Variants in CCDC61 observed in about 807,000 individuals in gnomAD.
The protein encoded by CCDC61 is centrosomal protein CCDC61.
A neutral mutation model predicts 63.0 loss-of-function variants in CCDC61; 55 were observed. The observed-to-expected ratio is 0.87, with a 90% CI of 0.70 to 1.09. The LOEUF is 1.09. CCDC61 is among the 50% of genes least tolerant of loss of function. The pLI is 0.00. For synonymous variants in CCDC61, 270 were observed against 317.0 expected, an observed-to-expected ratio of 0.85 and a Z score of 1.58; for missense variants, 651 against 731.4, an observed-to-expected ratio of 0.89 and a Z score of 1.27.
intron 1 of CCDC61, 101 bp from the exon 2 acceptor site, chr19:46,002,907 A>C: frequency 3.4e-6 from 4 of 1,174,024 alleles, no homozygotes; most frequent in African/African-American, 1.5e-5. Context: ...CCAGGATGCC[A>C]CAGCTGGTAA....
rs1366914233 is a variant in CCDC61 at position 46,018,244 on chromosome 19, G to A, written c.1442-46G>A. ...TATATTGGGCCCAGGAACTCCCTGGGGCTTCAGGCCCCTCACAGCCCCCAT... is the reference window on the plus strand; with the variant it reads ...TATATTGGGCCCAGGAACTCCCTGGAGCTTCAGGCCCCTCACAGCCCCCAT... On this transcript the variant is annotated intron_variant, in intron 13 of 13. Coordinates refer to ENST00000595358, the MANE Select transcript of CCDC61 (RefSeq NM_001267723.2). This position sits in a 1 kb window ranked among gnomAD's most constrained non-coding sequence, Gnocchi z 4.2. The A allele has an allele frequency of 6.5e-7, 1 of 1,549,084 alleles. No individual in the cohort carries two copies. Among genetic ancestry groups the A allele is most frequent in the East Asian group, 2.4e-5 (1 of 41,064 alleles).
chr19:46,011,174 G>T (rs751661178), intron 5 of CCDC61, among the ~76,000 whole-genome samples: 1 of 151,440 alleles, frequency 6.6e-6, no homozygotes. Context: ...TCAGCTTCCT[G>T]AGTAGCTGGG....
At chr19:45,996,955 C>T (rs1193585769) in intron 1 of CCDC61, among the ~76,000 whole-genome samples, 1 of 152,066 alleles carries the variant, frequency 6.6e-6, no homozygotes, top group Non-Finnish European at 1.5e-5. Context: ...CTTTCAAACC[C>T]TCTCCTGGCT....
intron 1 of CCDC61, among the ~76,000 whole-genome samples, chr19:46,002,778 A>G (rs1286412895): frequency 6.6e-6 from 1 of 152,172 alleles, no homozygotes; most frequent in Non-Finnish European, 1.5e-5. Context: ...TCACAGTACC[A>G]AGTACTTTTA....
At chr19:46,014,919 G>A in intron 5 of CCDC61, 130 bp from the exon 6 acceptor site, 1 of 706,094 alleles carries the variant, frequency 1.4e-6, no homozygotes, top group Non-Finnish European at 2.1e-6. Flanking sequence ...CCTCCCCATG[G>A]GGTCAGTTGA....
chr19:46,016,707 AACC>A lies in CCDC61; in HGVS notation c.1106_1108del (p.Asn369_Arg370delinsSer). On this transcript the variant is annotated inframe_deletion, in exon 10 of 14. Transcript: ENST00000595358. This position sits in a 1 kb window ranked among gnomAD's most constrained non-coding sequence, Gnocchi z 7.2. ...CTTTTTTCCCAGGCAGCAGCAGCGGAACCGCTTAGGCAGTGGGGGAAGCGGGGA... is the reference window on the plus strand; with the variant it reads ...CTTTTTTCCCAGGCAGCAGCAGCGGAGCTTAGGCAGTGGGGGAAGCGGGGA... 1 of 1,612,042 alleles carries A rather than the reference AACC, an allele frequency of 6.2e-7. No individual in the cohort carries two copies. The highest frequency in any genetic ancestry group is 1.1e-5 in the South Asian group (1 of 90,682).
chr19:45,996,430 C>CTTTTTTTTTTT (rs72345627), intron 1 of CCDC61: 1 of 137,900 alleles, frequency 7.3e-6, no homozygotes, highest in African/African-American at 2.7e-5. Context: ...TTGGAGTGTT[C>CTTTTTTTTTTT]TTTTTTTTTT....
intron 1 of CCDC61, among the ~76,000 whole-genome samples, chr19:46,000,268 A>G (rs991899755): frequency 1.3e-5 from 2 of 151,962 alleles, no homozygotes; most frequent in African/African-American, 4.8e-5. Context: ...TCCAGGTGAA[A>G]TATGGGAGTG....
intron 11 of CCDC61, 36 bp downstream of exon 11, chr19:46,017,105 AG>A: frequency 6.3e-7 from 1 of 1,596,430 alleles, no homozygotes; most frequent in Non-Finnish European, 8.6e-7. Flanking sequence ...TCGCCTCCAA[AG>A]GGTTTCTGGG....
intron 5 of CCDC61, among the ~76,000 whole-genome samples, chr19:46,013,625 T>C (rs1264173581): frequency 1.3e-5 from 2 of 151,922 alleles, no homozygotes; most frequent in Non-Finnish European, 2.9e-5. Context: ...TCCCAGCACA[T>C]TGGGAGGCTG....
In CCDC61 at chr19:46,015,042, T is replaced by C. The variant is rs551852256; in HGVS notation, c.552-7T>C. ...TCTCTCCAGCGCTCTCTCCGCGTCT[T>C]CCCCAGGGTGTCGCGCCTGGCGTCC... is the stretch of plus-strand genomic sequence containing the variant. On this transcript the variant is annotated splice_region_variant and splice_polypyrimidine_tract_variant and intron_variant, in intron 5 of 13. Coordinates refer to ENST00000595358, the MANE Select transcript of CCDC61 (RefSeq NM_001267723.2). This position sits in a 1 kb window ranked among gnomAD's most constrained non-coding sequence, Gnocchi z 5.3. 2 of 1,483,324 alleles carry C rather than the reference T, an allele frequency of 1.3e-6. No individual in the cohort carries two copies. The highest frequency in any genetic ancestry group is 2.9e-5 in the African/African-American group (2 of 68,760). 91.9% of individuals were successfully genotyped at this position (1,483,324 alleles called of 1,614,324 possible). A position where few individuals can be genotyped will look rare whatever the true frequency, so the allele number is the denominator to read the frequency against.
Position 46,016,287 on chromosome 19 carries a change from C to T in CCDC61, c.1016-31C>T. On this transcript the variant is annotated intron_variant, in intron 8 of 13. Coordinates refer to ENST00000595358, the MANE Select transcript of CCDC61 (RefSeq NM_001267723.2). The surrounding 1 kb of genome is among the most constrained non-coding windows in gnomAD (Gnocchi z 7.2). ...GGCGCTGCCAAGGCCCGTCTCCGGA[C>T]CTAGCCGCCTCCTCTCCCACGCCGT... 6.2e-7 allele frequency: 1 copy of T among 1,611,920 alleles called. No homozygotes were observed. The highest frequency in any genetic ancestry group is 8.5e-7 in the Non-Finnish European group (1 of 1,178,854).
chr19:46,003,652 A>G (rs1968637508), intron 3 of CCDC61, 151 bp downstream of exon 3: 1 of 536,968 alleles, frequency 1.9e-6, no homozygotes, highest in Non-Finnish European at 3.3e-6. Context: ...CCAAGTGTAA[A>G]TGCTTCATTT....
At chr19:46,005,177 A>T (rs1199881191) in intron 3 of CCDC61, among the ~76,000 whole-genome samples, 1 of 151,656 alleles carries the variant, frequency 6.6e-6, no homozygotes, top group Non-Finnish European at 1.5e-5. Context: ...TGCCCGGCTA[A>T]TTTTGTATTT....
At chr19:46,014,971 T>C in intron 5 of CCDC61, 78 bp from the exon 6 acceptor site, 1 of 1,269,872 alleles carries the variant, frequency 7.9e-7, no homozygotes, top group Non-Finnish European at 1.1e-6. Flanking sequence ...GGTGAAATGA[T>C]GAGGCGTCCC....
In CCDC61 at chr19:46,016,278, G is replaced by A. The variant is rs760716968; in HGVS notation, c.1016-40G>A. On this transcript the variant is annotated intron_variant, in intron 8 of 13. Transcript: ENST00000595358. The surrounding 1 kb of genome is among the most constrained non-coding windows in gnomAD (Gnocchi z 7.2). ...GGACGCACTGGCGCTGCCAAGGCCC[G>A]TCTCCGGACCTAGCCGCCTCCTCTC... The A allele has an allele frequency of 1.9e-6, 3 of 1,610,170 alleles. No individual in the cohort carries two copies. The highest frequency in any genetic ancestry group is 1.1e-5 in the South Asian group (1 of 90,724).
intron 1 of CCDC61, among the ~76,000 whole-genome samples, chr19:45,996,611 GT>G (rs1968497512): frequency 6.6e-6 from 1 of 152,120 alleles, no homozygotes; most frequent in African/African-American, 2.4e-5. Context: ...TGTTGGCCAG[GT>G]TGGTCTTGAA....
intron 1 of CCDC61, among the ~76,000 whole-genome samples, chr19:45,997,962 C>T (rs1359203849): frequency 6.6e-6 from 1 of 152,236 alleles, no homozygotes; most frequent in African/African-American, 2.4e-5. Context: ...GCTGAGATTA[C>T]AGGCGTGAGT....
intron 5 of CCDC61, among the ~76,000 whole-genome samples, chr19:46,010,729 G>T (rs913705810): frequency 7.2e-5 from 11 of 152,200 alleles, no homozygotes; most frequent in African/African-American, 2.4e-4. Context: ...GCACGTACTT[G>T]TCCCCCAGCT....
Sources: gnomAD v4.1 joint callset for allele counts (sites outside exome capture counted in the v4.1 genomes callset) on GRCh38, gnomAD v4.1.1 for gene constraint, Gnocchi (gnomAD v3.1) non-coding constraint, MANE v1.5 for transcripts, NCBI Gene and HGNC (gene_info 2026-07-23, HGNC 2026-07-21) for gene names.